The following UBE4A variants were observed in gnomAD, a reference collection of about 807,000 sequenced individuals.
The protein encoded by UBE4A is ubiquitin conjugation factor E4 A.
UBE4A carries 48 observed loss-of-function variants against 117.9 expected under a neutral mutation model. The ratio of observed to expected loss-of-function variants is 0.41; its 90% CI spans 0.32 to 0.52. UBE4A has a LOEUF of 0.52. Ranked by LOEUF, UBE4A falls within the 20% of genes least tolerant of loss-of-function variation. The probability of loss-of-function intolerance (pLI) is 0.33; values close to 1 mark genes in which losing one functional copy is unlikely to be tolerated. For missense variants in UBE4A, 1,067 were observed against 1,296.3 expected (o/e 0.82, Z 2.72); for synonymous variants, 407 against 450.0 (o/e 0.90, Z 1.21).
intron 1 of UBE4A, among the ~76,000 whole-genome samples, chr11:118,363,068 T>C (rs1948532903): frequency 6.6e-6 from 1 of 152,214 alleles, no homozygotes; most frequent in South Asian, 2.1e-4. Flanking sequence ...AGGATGGAAG[T>C]AGAATGGTGG....
intron 6 of UBE4A, 40 bp downstream of exon 6, chr11:118,372,706 AT>A: frequency 6.2e-7 from 1 of 1,604,190 alleles, no homozygotes; most frequent in Non-Finnish European, 8.5e-7. Flanking sequence ...CTACATTTTG[AT>A]TTTCAGATTT....
intron 18 of UBE4A, among the ~76,000 whole-genome samples, chr11:118,392,451 A>T (rs3819251): frequency 6.6e-6 from 1 of 152,288 alleles, no homozygotes; most frequent in South Asian, 2.1e-4. Context: ...GATGGATGTT[A>T]TATCTGATGT....
chr11:118,363,382 A>G (rs900742378), intron 1 of UBE4A, among the ~76,000 whole-genome samples: 4 of 152,120 alleles, frequency 2.6e-5, no homozygotes, highest in African/African-American at 9.7e-5. Flanking sequence ...TCTCTACTAA[A>G]AATCCAAATA....
rs1293334998 is a variant in UBE4A, at chr11:118,384,832, G to A, written c.2299G>A (p.Asp767Asn). 1.2e-6 allele frequency: 2 copies of A among 1,613,250 alleles called. No individual in the cohort carries two copies. Among genetic ancestry groups the A allele is most frequent in the African/African-American group, 1.3e-5 (1 of 74,682 alleles). ...TTTTCTTGTGGGCTGGGACTTACAG[G>A]ATTTGGCTGACTATGCCTCTAAGAA... ...GTDTYRESIK[D>N]LADYASKNLE... The change falls in exon 15 of 20, where the codon GAT (aspartate) becomes AAT (asparagine). Residue 767 changes from aspartate (D) to asparagine (N), a missense_variant and splice_region_variant. By Grantham distance (23) the Asp-to-Asn change is conservative. This residue lies in a region of UBE4A where 1,001 missense variants were observed against 1,184.0 expected (regional missense o/e 0.85). Coordinates refer to ENST00000252108, the MANE Select transcript of UBE4A (RefSeq NM_001204077.2).
Position 118,392,761 on chromosome 11 carries a change from G to A in UBE4A, c.2940G>A (p.Gln980=). 2 of 1,614,040 alleles carry A rather than the reference G, an allele frequency of 1.2e-6. No homozygotes were observed. Among genetic ancestry groups the A allele is most frequent in the South Asian group, 1.1e-5 (1 of 91,056 alleles). The change falls in exon 19 of 20, where the codon CAG becomes CAA. Residue 980 remains glutamine (Q), a synonymous_variant. Coordinates refer to ENST00000252108, the MANE Select transcript of UBE4A (RefSeq NM_001204077.2). ...AGTCTCTTGCAGACCTCCAACAACA[G>A]GAAGAGGAAACCTATGCAGATGCCT... is the stretch of plus-strand genomic sequence containing the variant. ...RIKSLADLQQ[Q]EEETYADACD...
At chr11:118,371,809 T>G in intron 5 of UBE4A, 143 bp downstream of exon 5, 1 of 785,060 alleles carries the variant, frequency 1.3e-6, no homozygotes. Flanking sequence ...CTAAAGCTTT[T>G]ATATCAATTT....
intron 5 of UBE4A, among the ~76,000 whole-genome samples, chr11:118,372,242 G>A (rs555832533): frequency 2.0e-5 from 3 of 152,258 alleles, no homozygotes; most frequent in South Asian, 4.1e-4. Flanking sequence ...GTGACAGAGC[G>A]AGACTCTGTC....
chr11:118,367,143 T>G (rs1022099474), intron 2 of UBE4A, among the ~76,000 whole-genome samples: 1 of 149,064 alleles, frequency 6.7e-6, no homozygotes, highest in Non-Finnish European at 1.5e-5. Context: ...GAGGTTGCGG[T>G]GAGCCGAGAT....
chr11:118,369,278 A>C, intron 3 of UBE4A, 145 bp from the exon 4 acceptor site: 1 of 622,808 alleles, frequency 1.6e-6, no homozygotes, highest in South Asian at 2.0e-5. Context: ...AAAGATTTGA[A>C]TCTTTAGATG....
chr11:118,383,655 T>A, intron 13 of UBE4A, among the ~76,000 whole-genome samples: 1 of 151,274 alleles, frequency 6.6e-6, no homozygotes, highest in Non-Finnish European at 1.5e-5. Flanking sequence ...TGAGCCCCTG[T>A]GTTTGTTTAA....
intron 16 of UBE4A, 46 bp downstream of exon 16, chr11:118,386,658 G>T: frequency 2.0e-6 from 3 of 1,479,148 alleles, no homozygotes; most frequent in Non-Finnish European, 2.7e-6. Flanking sequence ...TAATGGCCAA[G>T]ATCAGCTTCA....
intron 19 of UBE4A, among the ~76,000 whole-genome samples, chr11:118,393,473 A>AT (rs1440208407): frequency 1.3e-5 from 2 of 151,844 alleles, no homozygotes; most frequent in African/African-American, 2.4e-5. Flanking sequence ...TAATTTTTGT[A>AT]TTTTTTGTAG....
intron 7 of UBE4A, 48 bp downstream of exon 7, chr11:118,373,336 C>T: frequency 6.3e-7 from 1 of 1,590,532 alleles, no homozygotes. Flanking sequence ...ATGTGTAATA[C>T]ATGATGCTTC....
intron 11 of UBE4A, among the ~76,000 whole-genome samples, chr11:118,381,100 G>C (rs1285356565): frequency 1.3e-5 from 2 of 152,148 alleles, no homozygotes; most frequent in Admixed American, 6.5e-5. Context: ...TCACACATCT[G>C]AAGGGTTTAA....
chr11:118,396,262 A>G lies in UBE4A; in HGVS notation c.3075-52A>G, dbSNP rs1948871710. On this transcript the variant is annotated intron_variant, in intron 19 of 19. Transcript: ENST00000252108. Reference sequence around the variant, plus strand: ...CCCAGGTGTTCTGTTTTTGGCTTAGAATGTTAGAACTTATGGAAATAACCC... The same window carrying G: ...CCCAGGTGTTCTGTTTTTGGCTTAGGATGTTAGAACTTATGGAAATAACCC... 4.5e-6 allele frequency: 7 copies of G among 1,569,810 alleles called. No homozygotes were observed. In the Admixed American group the frequency reaches 1.4e-4, roughly 31 times the overall value.
In UBE4A at chr11:118,376,643, TAACAGAG is replaced by T; in HGVS notation, c.1524_1530del (p.Glu509LeufsTer3). 6.2e-7 allele frequency: 1 copy of T among 1,614,100 alleles called. No homozygotes were observed. The highest frequency in any genetic ancestry group is 8.5e-7 in the Non-Finnish European group (1 of 1,179,996). ...AAGTTTCCACAGAACTACAACCTTGTAACAGAGAACCTTGCTCTGACAGAGTACACCT... is the reference window on the plus strand; with the variant it reads ...AAGTTTCCACAGAACTACAACCTTGTAACCTTGCTCTGACAGAGTACACCT... On this transcript the variant is annotated frameshift_variant, in exon 10 of 20. Transcript: ENST00000252108. LOFTEE classifies it high-confidence loss of function.
At chr11:118,391,184 G>A (rs1347607334) in intron 18 of UBE4A, among the ~76,000 whole-genome samples, 1 of 152,182 alleles carries the variant, frequency 6.6e-6, no homozygotes, top group Admixed American at 6.5e-5. Flanking sequence ...ATGAGAGTGA[G>A]AATAGAAATT....
At chr11:118,396,078 G>C (rs1176966604) in intron 19 of UBE4A, among the ~76,000 whole-genome samples, 2 of 150,742 alleles carry the variant, frequency 1.3e-5, no homozygotes, top group African/African-American at 4.9e-5. Context: ...CTGGGCGACA[G>C]GGCAAGACTG....
intron 13 of UBE4A, 84 bp from the exon 14 acceptor site, chr11:118,384,551 A>G (rs782133907): frequency 1.4e-5 from 18 of 1,298,574 alleles, no homozygotes; most frequent in Admixed American, 2.0e-5. Flanking sequence ...GCAAATGACT[A>G]CAAAGCAAAT....
Sources: allele counts gnomAD v4.1 joint callset (sites outside exome capture counted in the v4.1 genomes callset), GRCh38; gene constraint gnomAD v4.1.1; regional missense constraint gnomAD v4.1.1; transcripts MANE v1.5; gene names NCBI Gene and HGNC (gene_info 2026-07-23, HGNC 2026-07-21).